Variants in OXR1 observed in about 807,000 individuals in gnomAD.
The protein encoded by OXR1 is oxidation resistance protein 1.
OXR1 carries 41 observed loss-of-function variants against 104.6 expected under a neutral mutation model. That is an observed-to-expected ratio of 0.39 (90% confidence interval 0.31 to 0.51). The LOEUF (loss-of-function observed/expected upper bound fraction) is 0.51, where lower values mean the gene tolerates loss of function less well. Among genes scored for constraint, OXR1 ranks in the 20% least tolerant of loss-of-function variants. The pLI is 0.77. For synonymous variants in OXR1, 348 were observed against 348.4 expected, an observed-to-expected ratio of 1.00 and a Z score of 0.01; for missense variants, 955 against 1,031.9, an observed-to-expected ratio of 0.93 and a Z score of 1.02.
chr8:106,318,548 C>T lies in OXR1; in HGVS notation c.-138-40928C>T, dbSNP rs927750740. 2.0e-5 allele frequency among the ~76,000 whole-genome samples: 3 copies of T among 152,208 alleles called. No individual in the cohort carries two copies. The South Asian group carries it at 6.2e-4, about 32-fold the overall frequency. The stretch of plus-strand genomic sequence containing the variant: ...GCCTTGCCTCAAATGTTATAGATTT[C>T]AGTCTTCTTTGAAATACCCTCTTAA... On this transcript the variant is annotated intron_variant, in intron 1 of 16. Coordinates refer to ENST00000517566, the MANE Select transcript of OXR1 (RefSeq NM_001198533.2).
chr8:106,567,088 C>CA, intron 3 of OXR1, among the ~76,000 whole-genome samples: 1 of 152,176 alleles, frequency 6.6e-6, no homozygotes, highest in East Asian at 1.9e-4. Flanking sequence ...ACATTCTGCA[C>CA]ATGTATCCCA....
At chr8:106,623,555 C>T (rs897983449) in intron 3 of OXR1, among the ~76,000 whole-genome samples, 2 of 152,014 alleles carry the variant, frequency 1.3e-5, no homozygotes, top group Non-Finnish European at 1.5e-5. Context: ...GAAGAAAAAA[C>T]ATCAAACAGA....
At position 106,702,980 on chromosome 8, in the gene OXR1, T is replaced by G; in HGVS notation, c.750T>G (p.Val250=). The change falls in exon 8 of 17, where the codon GTT becomes GTG. Residue 250 remains valine, a synonymous_variant. Coordinates refer to ENST00000517566, the MANE Select transcript of OXR1 (RefSeq NM_001198533.2). ...ATCCACATAAAAATGACCCTTTGGT[T>G]CAAGAGAATGGCTGTGAGGAATATG... ...MFDPHKNDPL[V]QENGCEEYGI... 1 of 1,613,732 alleles carries G rather than the reference T, an allele frequency of 6.2e-7. No individual in the cohort carries two copies. Among genetic ancestry groups the G allele is most frequent in the Non-Finnish European group, 8.5e-7 (1 of 1,179,712 alleles).
intron 2 of OXR1, among the ~76,000 whole-genome samples, chr8:106,488,817 G>T (rs1415634944): frequency 6.7e-6 from 1 of 149,866 alleles, no homozygotes; most frequent in Admixed American, 6.6e-5. Context: ...TGCTGTTTTG[G>T]TTACTGTAGC....
intron 2 of OXR1, among the ~76,000 whole-genome samples, chr8:106,420,022 A>G (rs1818840584): frequency 6.6e-6 from 1 of 152,132 alleles, no homozygotes; most frequent in South Asian, 2.1e-4. Context: ...TTTTATGTAA[A>G]GAGGAGGAAA....
At position 106,518,519 on chromosome 8, in the gene OXR1, A is replaced by G. The variant is rs369259379; in HGVS notation, c.24-424A>G. On this transcript the variant is annotated intron_variant, in intron 2 of 16. Coordinates refer to ENST00000517566, the MANE Select transcript of OXR1 (RefSeq NM_001198533.2). ...AGCTAAGATGCTGTATAGATTAAGC[A>G]GAAAAACACTGGCAGCCTCTGATTA... is the stretch of plus-strand genomic sequence containing the variant. Among the ~76,000 whole-genome samples, 5 of 152,338 alleles carry G rather than the reference A, an allele frequency of 3.3e-5. No homozygotes were observed. The East Asian group carries it at 9.6e-4, about 29-fold the overall frequency.
chr8:106,596,741 C>T (rs771756081), intron 3 of OXR1, among the ~76,000 whole-genome samples: 2 of 151,924 alleles, frequency 1.3e-5, no homozygotes, highest in Admixed American at 6.6e-5. Context: ...AAGTAGTATA[C>T]GTTAAATGGT....
At chr8:106,375,192 A>G (rs761123125) in intron 2 of OXR1, among the ~76,000 whole-genome samples, 16 of 152,198 alleles carry the variant, frequency 1.1e-4, no homozygotes, top group African/African-American at 1.9e-4. Context: ...TTCAATCTGT[A>G]ATATTGCTAG....
rs6986682 is a variant in OXR1 at position 106,309,819 on chromosome 8, A to G, written c.-139+39452A>G. On this transcript the variant is annotated intron_variant, in intron 1 of 16. Coordinates refer to ENST00000517566, the MANE Select transcript of OXR1 (RefSeq NM_001198533.2). ...TAAAGGTATATGTATATACACATAT[A>G]TATATTTGTCCACATATTTATTGAG... 5.6e-3 allele frequency among the ~76,000 whole-genome samples: 846 copies of G among 151,190 alleles called. 12 individuals carry two copies. The highest frequency in any genetic ancestry group is 0.02 in the African/African-American group (815 of 41,398).
chr8:106,621,397 G>A (rs192943824), intron 3 of OXR1, among the ~76,000 whole-genome samples: 4 of 151,954 alleles, frequency 2.6e-5, no homozygotes, highest in Admixed American at 2.6e-4. Flanking sequence ...GCTGCAATGA[G>A]CTATGACGGC....
At chr8:106,402,508 C>A (rs1344279176) in intron 2 of OXR1, among the ~76,000 whole-genome samples, 3 of 152,156 alleles carry the variant, frequency 2.0e-5, no homozygotes, top group Non-Finnish European at 4.4e-5. Flanking sequence ...TTACTGGACC[C>A]ACTGTGAGAC....
intron 3 of OXR1, among the ~76,000 whole-genome samples, chr8:106,551,848 ATGTG>A (rs1184217445): frequency 1.5e-5 from 2 of 131,018 alleles, no homozygotes; most frequent in African/African-American, 5.8e-5. Flanking sequence ...GTGTACATAT[ATGTG>A]TATATATATG....
intron 1 of OXR1, among the ~76,000 whole-genome samples, chr8:106,345,663 T>C (rs1815447219): frequency 6.6e-6 from 1 of 152,172 alleles, no homozygotes; most frequent in Non-Finnish European, 1.5e-5. Context: ...TTAAAAGAAA[T>C]ATTGGTGCAT....
At chr8:106,651,901 T>C (rs1824607711) in intron 3 of OXR1, among the ~76,000 whole-genome samples, 1 of 152,134 alleles carries the variant, frequency 6.6e-6, no homozygotes, top group South Asian at 2.1e-4. Flanking sequence ...ATGGGATGTC[T>C]TTCCATTTAT....
In OXR1 at chr8:106,658,230, G is replaced by C. The variant is rs1209384807; in HGVS notation, c.221-20980G>C. Reference sequence around the variant, plus strand: ...GCCTCCCGCGCGGCCGACCTGGGCTGAGGGCTGTGGGGAGGCGGCGGTCGT... The same window carrying C: ...GCCTCCCGCGCGGCCGACCTGGGCTCAGGGCTGTGGGGAGGCGGCGGTCGT... On this transcript the variant is annotated intron_variant, in intron 3 of 16. Transcript: ENST00000517566. 5.7e-6 allele frequency: 7 copies of C among 1,231,222 alleles called. No homozygotes were observed. In the East Asian group the frequency reaches 2.2e-4, roughly 39 times the overall value. 76.3% of individuals were successfully genotyped at this position (1,231,222 alleles called of 1,614,324 possible).
At chr8:106,421,233 T>A (rs758652392) in intron 2 of OXR1, among the ~76,000 whole-genome samples, 3 of 152,174 alleles carry the variant, frequency 2.0e-5, no homozygotes, top group African/African-American at 7.2e-5. Flanking sequence ...TAGTAAAGAA[T>A]GCTGCTCTTC....
At chr8:106,697,366 T>C (rs921195367) in intron 7 of OXR1, 50 of 1,155,260 alleles carry the variant, frequency 4.3e-5, no homozygotes, top group Non-Finnish European at 5.7e-5. Context: ...TGCTAAAATA[T>C]ATATCTACAT....
chr8:106,298,636 G>A (rs1813103336), intron 1 of OXR1, among the ~76,000 whole-genome samples: 1 of 152,102 alleles, frequency 6.6e-6, no homozygotes, highest in Admixed American at 6.6e-5. Flanking sequence ...AATATGCAAA[G>A]GTGGATACTC....
intron 2 of OXR1, among the ~76,000 whole-genome samples, chr8:106,467,537 G>A (rs1204253848): frequency 3.3e-5 from 5 of 151,806 alleles, no homozygotes; most frequent in African/African-American, 1.2e-4. Context: ...TGATCTTGAT[G>A]GAAGCTATAC....
Sources: gnomAD v4.1 joint callset for allele counts (sites outside exome capture counted in the v4.1 genomes callset) on GRCh38, gnomAD v4.1.1 for gene constraint, MANE v1.5 for transcripts, NCBI Gene and HGNC (gene_info 2026-07-23, HGNC 2026-07-21) for gene names.